PTPRO: variants seen among roughly 807,000 people sequenced by gnomAD.
PTPRO encodes the protein protein tyrosine phosphatase receptor type O.
PTPRO carries 62 observed loss-of-function variants against 145.2 expected under a neutral mutation model. The ratio of observed to expected loss-of-function variants is 0.43; its 90% CI spans 0.35 to 0.53. The LOEUF (loss-of-function observed/expected upper bound fraction) is 0.53. Ranked by LOEUF, PTPRO falls within the 20% of genes least tolerant of loss-of-function variation. The pLI is 0.01. For missense variants in PTPRO, 1,345 were observed against 1,482.7 expected, an observed-to-expected ratio of 0.91 and a Z score of 1.53; for synonymous variants, 565 against 514.7, an observed-to-expected ratio of 1.10 and a Z score of -1.32.
chr12:15,571,321 T>A (rs1234103234), intron 19 of PTPRO, among the ~76,000 whole-genome samples: 2 of 152,124 alleles, frequency 1.3e-5, no homozygotes, highest in Non-Finnish European at 2.9e-5. Flanking sequence ...ACAGTCTCAC[T>A]CTGTTGCCCA....
intron 1 of PTPRO, among the ~76,000 whole-genome samples, chr12:15,358,722 C>T (rs1224751708): frequency 6.6e-6 from 1 of 152,188 alleles, no homozygotes; most frequent in Admixed American, 6.5e-5. Flanking sequence ...CTCTGTGCCT[C>T]ACTTCATTGT....
chr12:15,361,332 G>A (rs190155428), intron 1 of PTPRO, among the ~76,000 whole-genome samples: 16 of 150,948 alleles, frequency 1.1e-4, no homozygotes, highest in African/African-American at 3.2e-4. Context: ...TCAACTACTC[G>A]GGAAGCTGAG....
At chr12:15,533,486 C>T (rs1760676798) in intron 12 of PTPRO, among the ~76,000 whole-genome samples, 2 of 152,064 alleles carry the variant, frequency 1.3e-5, no homozygotes, top group Non-Finnish European at 2.9e-5. Flanking sequence ...TAACACAATG[C>T]CTGAACACCT....
intron 1 of PTPRO, chr12:15,348,785 CA>C (rs545200802): frequency 8.2e-4 from 108 of 132,206 alleles, no homozygotes; most frequent in Admixed American, 1.5e-3. Flanking sequence ...GACTCCGTCT[CA>C]AAAAAAAAAA....
chr12:15,507,340 G>C (rs924486578), intron 6 of PTPRO, among the ~76,000 whole-genome samples: 2 of 151,914 alleles, frequency 1.3e-5, no homozygotes, highest in Non-Finnish European at 2.9e-5. Context: ...TTGAACTCAG[G>C]AGGTGGAGGT....
At chr12:15,450,126 C>G (rs1252807276) in intron 1 of PTPRO, among the ~76,000 whole-genome samples, 2 of 151,882 alleles carry the variant, frequency 1.3e-5, no homozygotes, top group African/African-American at 4.9e-5. Flanking sequence ...TGCTAGTTCT[C>G]TAAGCGATGC....
chr12:15,353,327 C>T (rs997174138), intron 1 of PTPRO, among the ~76,000 whole-genome samples: 18 of 151,438 alleles, frequency 1.2e-4, no homozygotes, highest in African/African-American at 4.1e-4. Flanking sequence ...TCATCAAGTT[C>T]AAGACACTTA....
At position 15,416,376 on chromosome 12, in the gene PTPRO, G is replaced by A. The variant is rs567164769; in HGVS notation, c.76-67598G>A. Among the ~76,000 whole-genome samples the A allele has an allele frequency of 3.8e-3, 575 of 149,398 alleles. 4 individuals carry two copies. The highest frequency in any genetic ancestry group is 3.6e-3 in the Non-Finnish European group (245 of 67,798). On this transcript the variant is annotated intron_variant, in intron 1 of 26. Transcript: ENST00000281171. ...GCTCTGTCGCCCAGGCTGGAGTGCA[G>A]TGGCACAATCTCGGCTCACTGCAAG...
At chr12:15,526,437 G>A (rs1032989194) in intron 12 of PTPRO, among the ~76,000 whole-genome samples, 175 bp downstream of exon 12, 1 of 152,184 alleles carries the variant, frequency 6.6e-6, no homozygotes, top group African/African-American at 2.4e-5. Flanking sequence ...ACAAGTTTCT[G>A]TGAGTGGGTT....
rs115577047 is a variant in PTPRO at position 15,524,108 on chromosome 12, C to T, written c.1892-706C>T. Among the ~76,000 whole-genome samples, 727 of 138,806 alleles carry T rather than the reference C, an allele frequency of 5.2e-3. 6 individuals are homozygous for T. Among genetic ancestry groups the T allele is most frequent in the African/African-American group, 0.019 (699 of 37,262 alleles). 91.1% of individuals were successfully genotyped at this position (138,806 alleles called of 152,430 possible). ...GCTTAAATTTTTAAAAATTTAAATG[C>T]ATAAGATGATAAAGTAGCAAGCTCA... On this transcript the variant is annotated intron_variant, in intron 10 of 26. Transcript: ENST00000281171.
chr12:15,491,455 T>C (rs1476345546), intron 2 of PTPRO, among the ~76,000 whole-genome samples: 1 of 152,212 alleles, frequency 6.6e-6, no homozygotes, highest in Non-Finnish European at 1.5e-5. Flanking sequence ...GATAGTCACA[T>C]CCAGAACTTT....
At chr12:15,422,790 T>C (rs886354705) in intron 1 of PTPRO, among the ~76,000 whole-genome samples, 2 of 152,154 alleles carry the variant, frequency 1.3e-5, no homozygotes, top group African/African-American at 4.8e-5. Flanking sequence ...TTGAAAAGGG[T>C]AAATATTTAG....
intron 12 of PTPRO, among the ~76,000 whole-genome samples, chr12:15,528,360 CAAAAAAA>C (rs577995184): frequency 1.6e-5 from 2 of 124,586 alleles, no homozygotes; most frequent in Non-Finnish European, 3.5e-5. Flanking sequence ...AATAAAAATA[CAAAAAAA>C]AAAAAAAAAT....
intron 1 of PTPRO, among the ~76,000 whole-genome samples, chr12:15,337,800 G>A (rs1866816733): frequency 6.6e-6 from 1 of 152,120 alleles, no homozygotes; most frequent in African/African-American, 2.4e-5. Flanking sequence ...AATGCTGAGT[G>A]GAAAAAGTCC....
rs188911334 is a variant in PTPRO at position 15,471,382 on chromosome 12, C to T, written c.76-12592C>T. Among the ~76,000 whole-genome samples, 499 of 152,202 alleles carry T rather than the reference C, an allele frequency of 3.3e-3. 1 individual carries two copies. The highest frequency in any genetic ancestry group is 5.1e-3 in the Non-Finnish European group (345 of 68,014). The stretch of plus-strand genomic sequence containing the variant: ...ATCTGATCATTTAACACAGGAAAGA[C>T]TGAGCATGCAATAGGCTCAGGCACC... On this transcript the variant is annotated intron_variant, in intron 1 of 26. Coordinates refer to ENST00000281171, the MANE Select transcript of PTPRO (RefSeq NM_030667.3).
chr12:15,380,611 A>T (rs1938830726), intron 1 of PTPRO, among the ~76,000 whole-genome samples: 1 of 152,186 alleles, frequency 6.6e-6, no homozygotes, highest in Non-Finnish European at 1.5e-5. Context: ...TAAAGGTGGA[A>T]TTTTGCTAGT....
chr12:15,523,227 C>T (rs11056545), intron 10 of PTPRO, among the ~76,000 whole-genome samples: 64,049 of 152,082 alleles, frequency 0.42, 13,896 homozygotes, highest in African/African-American at 0.5. Flanking sequence ...ATTAGCATCA[C>T]ATTAGGGGAA....
intron 1 of PTPRO, among the ~76,000 whole-genome samples, chr12:15,415,440 A>G (rs1431193030): frequency 2.7e-5 from 4 of 148,912 alleles, no homozygotes; most frequent in East Asian, 4.0e-4. Context: ...GCTGGAGTGC[A>G]GTGGTGCAGT....
chr12:15,545,664 A>G (rs955056848), intron 12 of PTPRO, among the ~76,000 whole-genome samples: 5 of 152,096 alleles, frequency 3.3e-5, no homozygotes, highest in Non-Finnish European at 7.4e-5. Flanking sequence ...TTATTAAGAT[A>G]AAATGTCTAA....
Sources: gnomAD v4.1 joint callset for allele counts (sites outside exome capture counted in the v4.1 genomes callset) on GRCh38, gnomAD v4.1.1 for gene constraint, MANE v1.5 for transcripts, NCBI Gene and HGNC (gene_info 2026-07-23, HGNC 2026-07-21) for gene names.